Variants in MTOR observed in about 807,000 individuals in gnomAD.
MTOR encodes the protein serine/threonine-protein kinase mTOR.
MTOR carries 70 observed loss-of-function variants against 319.8 expected under a neutral mutation model. The observed-to-expected ratio is 0.22, with a 90% CI of 0.18 to 0.27. The LOEUF is 0.27. MTOR is among the 10% of genes least tolerant of loss of function. MTOR has a pLI of 1.00. For missense variants in MTOR, 1,890 were observed against 3,274.4 expected, an observed-to-expected ratio of 0.58 and a Z score of 10.32; for synonymous variants, 1,183 against 1,211.4, an observed-to-expected ratio of 0.98 and a Z score of 0.49.
Position 11,212,776 on chromosome 1 carries a change from C to A in MTOR, c.3398+20G>T. On this transcript the variant is annotated intron_variant, in intron 22 of 57. Coordinates refer to ENST00000361445, the MANE Select transcript of MTOR (RefSeq NM_004958.4). The surrounding 1 kb of genome is among the most constrained non-coding windows in gnomAD (Gnocchi z 4.1). ...ACATTAAAGCTTAAAGATTGCTAGT[C>A]CCAAAGAGGAGGTGCTCACTTTCGA... is the stretch of plus-strand genomic sequence containing the variant. 1 of 1,569,080 alleles carries A rather than the reference C, an allele frequency of 6.4e-7. No individual in the cohort carries two copies. Among genetic ancestry groups the A allele is most frequent in the South Asian group, 1.1e-5 (1 of 90,042 alleles).
Position 11,124,499 on chromosome 1 carries a change from T to C in MTOR, c.6661A>G (p.Ser2221Gly). The change falls in exon 47 of 58, where the codon AGC becomes GGC. Residue 2221 changes from serine (S) to glycine (G), a missense_variant and splice_region_variant. Around this residue, in one of 15 missense-constraint regions of MTOR, gnomAD observed 249 missense variants for 596.2 expected, o/e 0.42. Transcript: ENST00000361445. ...NDPTSLRKNLSIQRYAVIPLS... is the reference protein window; with the variant it reads ...NDPTSLRKNLGIQRYAVIPLS... ...TGCCATTTCAGGGTTTCTGAATACC[T>C]GAGGTTTTTCCGAAGAGATGTTGGG... 1 of 1,605,734 alleles carries C rather than the reference T, an allele frequency of 6.2e-7. No homozygotes were observed. The highest frequency in any genetic ancestry group is 8.5e-7 in the Non-Finnish European group (1 of 1,172,838).
chr1:11,219,742 G>A (rs1457388626), intron 19 of MTOR, among the ~76,000 whole-genome samples: 1 of 152,094 alleles, frequency 6.6e-6, no homozygotes, highest in Non-Finnish European at 1.5e-5. Context: ...GTGGGAATAA[G>A]GCTGGGCACG....
intron 46 of MTOR, among the ~76,000 whole-genome samples, chr1:11,125,543 C>G (rs1220540878): frequency 6.6e-6 from 1 of 151,570 alleles, no homozygotes; most frequent in Non-Finnish European, 1.5e-5. Context: ...CCAGCCTGGC[C>G]AACGTGGTGA....
chr1:11,107,473 CT>C lies in MTOR; in HGVS notation c.*11del, dbSNP rs771754982. 1 of 1,612,386 alleles carries C rather than the reference CT, an allele frequency of 6.2e-7. No homozygotes were observed. Among genetic ancestry groups the C allele is most frequent in the South Asian group, 1.1e-5 (1 of 90,574 alleles). ...CTCAGAAAAAACGTGATGGGCACAT[CT>C]GGGCCTCCAGTTACCAGAAAGGGCA... On this transcript the variant is annotated 3_prime_UTR_variant, in exon 58 of 58. Coordinates refer to ENST00000361445, the MANE Select transcript of MTOR (RefSeq NM_004958.4).
chr1:11,139,441 A>G lies in MTOR; in HGVS notation c.4999-6T>C, dbSNP rs897720028. The G allele has an allele frequency of 6.2e-7, 1 of 1,614,050 alleles. No homozygotes were observed. ...AAAGTTTTATGAGCAAGAGCCTTAA[A>G]AATAAGAGAAACTGGGTTATAGACA... On this transcript the variant is annotated splice_region_variant and splice_polypyrimidine_tract_variant and intron_variant, in intron 35 of 57. Transcript: ENST00000361445.
chr1:11,139,300 A>C lies in MTOR; in HGVS notation c.5130+4T>G. On this transcript the variant is annotated splice_donor_region_variant and intron_variant, in intron 36 of 57. Coordinates refer to ENST00000361445, the MANE Select transcript of MTOR (RefSeq NM_004958.4). ...GTCTGTTCTGGATGCATTGGGATAC[A>C]GACCTTGCGGGCACTCTTCCACATG... The C allele has an allele frequency of 1.2e-6, 2 of 1,601,810 alleles. No individual in the cohort carries two copies. Among genetic ancestry groups the C allele is most frequent in the Non-Finnish European group, 1.7e-6 (2 of 1,176,958 alleles).
chr1:11,114,690 A>C (rs1642071390), intron 52 of MTOR, 123 bp downstream of exon 52: 3 of 1,117,732 alleles, frequency 2.7e-6, no homozygotes, highest in Non-Finnish European at 3.9e-6. Context: ...GAAATAACAG[A>C]AAACTGCTAC....
In MTOR at chr1:11,127,810, A is replaced by C. The variant is rs746218664; in HGVS notation, c.6034-4T>G. The C allele has an allele frequency of 6.2e-7, 1 of 1,609,128 alleles. No individual in the cohort carries two copies. Among genetic ancestry groups the C allele is most frequent in the Non-Finnish European group, 8.5e-7 (1 of 1,177,524 alleles). On this transcript the variant is annotated splice_polypyrimidine_tract_variant and splice_region_variant and intron_variant, in intron 43 of 57. Coordinates refer to ENST00000361445, the MANE Select transcript of MTOR (RefSeq NM_004958.4). This position sits in a 1 kb window ranked among gnomAD's most constrained non-coding sequence, Gnocchi z 5.5. ...CTCGGATCAGCTCCTCGCTCACCTGAAGCCAAGAGAAGAAGGAGAGAAGCA... is the reference window on the plus strand; with the variant it reads ...CTCGGATCAGCTCCTCGCTCACCTGCAGCCAAGAGAAGAAGGAGAGAAGCA...
At chr1:11,240,578 C>G (rs778919854) in intron 10 of MTOR, 31 bp from the exon 11 acceptor site, 2 of 1,604,964 alleles carry the variant, frequency 1.2e-6, no homozygotes, top group South Asian at 2.2e-5. Flanking sequence ...CACATAAGGG[C>G]TGGGCACATG....
At chr1:11,215,086 T>C (rs1646427325) in intron 20 of MTOR, among the ~76,000 whole-genome samples, 1 of 152,188 alleles carries the variant, frequency 6.6e-6, no homozygotes, top group African/African-American at 2.4e-5. Context: ...ATTTTGCAGG[T>C]GTGAGGCTCC....
intron 30 of MTOR, among the ~76,000 whole-genome samples, chr1:11,151,275 T>C (rs947974905): frequency 1.4e-4 from 21 of 152,142 alleles, no homozygotes; most frequent in Admixed American, 9.8e-4. Flanking sequence ...GATATTAACT[T>C]TGTTGTCTCT....
chr1:11,170,300 C>T (rs1200752146), intron 28 of MTOR, among the ~76,000 whole-genome samples: 1 of 150,886 alleles, frequency 6.6e-6, no homozygotes, highest in East Asian at 1.9e-4. Flanking sequence ...AGGTACTGGG[C>T]TTTGTGCCCA....
In MTOR at chr1:11,106,726, TC is replaced by T; in HGVS notation, c.*758del. ...GTATTTCTGTTTTCTGAGCCCTTGC[TC>T]TAAACAGAGTATTTTGACCACTGAA... On this transcript the variant is annotated 3_prime_UTR_variant, in exon 58 of 58. Transcript: ENST00000361445. 3 of 1,221,188 alleles carry T rather than the reference TC, an allele frequency of 2.5e-6. No individual in the cohort carries two copies. The highest frequency in any genetic ancestry group is 3.1e-6 in the Non-Finnish European group (3 of 965,138). The allele number at this position is 1,221,188 out of a possible 1,614,324, so 75.6% of individuals were successfully genotyped here.
intron 4 of MTOR, 74 bp downstream of exon 4, chr1:11,256,859 G>A: frequency 1.4e-6 from 2 of 1,430,344 alleles, no homozygotes; most frequent in Non-Finnish European, 1.9e-6. Flanking sequence ...ATGAGCCTCA[G>A]AAGGAAGCAA....
intron 19 of MTOR, among the ~76,000 whole-genome samples, chr1:11,227,297 CAAAAA>C (rs59546882): frequency 1.4e-5 from 1 of 74,016 alleles, no homozygotes; most frequent in African/African-American, 8.0e-5. Flanking sequence ...GACTTTGTCT[CAAAAA>C]AAAAAAAAAA....
intron 8 of MTOR, 83 bp downstream of exon 8, chr1:11,247,542 G>A (rs1649010383): frequency 8.1e-7 from 1 of 1,236,512 alleles, no homozygotes; most frequent in Admixed American, 1.8e-5. Flanking sequence ...TGCTTCAAAG[G>A]AAAAGATATT....
intron 25 of MTOR, among the ~76,000 whole-genome samples, chr1:11,205,277 G>C (rs564580733): frequency 6.6e-6 from 1 of 152,318 alleles, no homozygotes; most frequent in African/African-American, 2.4e-5. Context: ...ACCAGGGGCA[G>C]CTTATTCAGG....
chr1:11,133,018 C>A lies in MTOR; in HGVS notation c.5364+62G>T. The A allele has an allele frequency of 1.4e-6, 2 of 1,398,540 alleles. No homozygotes were observed. Among genetic ancestry groups the A allele is most frequent in the Non-Finnish European group, 1.0e-6 (1 of 987,410 alleles). The allele number at this position is 1,398,540 out of a possible 1,614,324, so 86.6% of individuals were successfully genotyped here. On this transcript the variant is annotated intron_variant, in intron 38 of 57. Coordinates refer to ENST00000361445, the MANE Select transcript of MTOR (RefSeq NM_004958.4). The surrounding 1 kb of genome is among the most constrained non-coding windows in gnomAD (Gnocchi z 4.0). ...GCAGAAGCTCAGCTGTAACCACGAGCACACAGGAGGACACGAGCCAGCCAG... is the reference window on the plus strand; with the variant it reads ...GCAGAAGCTCAGCTGTAACCACGAGAACACAGGAGGACACGAGCCAGCCAG...
At chr1:11,156,126 G>A (rs1476529755) in intron 30 of MTOR, among the ~76,000 whole-genome samples, 1 of 152,150 alleles carries the variant, frequency 6.6e-6, no homozygotes, top group Non-Finnish European at 1.5e-5. Flanking sequence ...GAGTAGCTGG[G>A]ATCATAGGCC....
Sources: allele counts gnomAD v4.1 joint callset (sites outside exome capture counted in the v4.1 genomes callset), GRCh38; gene constraint gnomAD v4.1.1; regional missense constraint gnomAD v4.1.1; non-coding constraint Gnocchi (gnomAD v3.1); transcripts MANE v1.5; gene names NCBI Gene and HGNC (gene_info 2026-07-23, HGNC 2026-07-21).